SLCO5A1: variants seen among roughly 807,000 people sequenced by gnomAD.
The protein encoded by SLCO5A1 is solute carrier organic anion transporter family member 5A1, also known as organic anion transporter polypeptide-related protein 4.
A neutral mutation model predicts 65.1 loss-of-function variants in SLCO5A1; 39 were observed. That is an observed-to-expected ratio of 0.60 (90% CI 0.46 to 0.78). The LOEUF (loss-of-function observed/expected upper bound fraction) is 0.78. SLCO5A1 is among the 30% of genes least tolerant of loss of function. SLCO5A1 has a pLI of 0.00. For missense variants in SLCO5A1, 1,029 were observed against 1,069.4 expected, an observed-to-expected ratio of 0.96 and a Z score of 0.53; for synonymous variants, 438 against 415.7, an observed-to-expected ratio of 1.05 and a Z score of -0.65.
chr8:69,742,794 C>CTTTTTTTTTTTTTTTTT (rs10633803), intron 4 of SLCO5A1, among the ~76,000 whole-genome samples: 2 of 83,190 alleles, frequency 2.4e-5, no homozygotes, highest in African/African-American at 4.9e-5. Context: ...TGAGTGGATT[C>CTTTTTTTTTTTTTTTTT]TTTTTTTTTT....
intron 5 of SLCO5A1, among the ~76,000 whole-genome samples, chr8:69,724,578 T>C (rs749249599): frequency 1.1e-4 from 16 of 152,178 alleles, no homozygotes; most frequent in Non-Finnish European, 1.9e-4. Context: ...AAGCTGAGCC[T>C]GGCAGCAAAG....
chr8:69,705,679 A>G (rs959179866), intron 5 of SLCO5A1, among the ~76,000 whole-genome samples: 1 of 152,248 alleles, frequency 6.6e-6, no homozygotes, highest in Non-Finnish European at 1.5e-5. Flanking sequence ...ACAACATTCC[A>G]CATGTACCTC....
chr8:69,761,959 G>A, intron 2 of SLCO5A1, 84 bp from the exon 3 acceptor site: 1 of 1,512,110 alleles, frequency 6.6e-7, no homozygotes. Flanking sequence ...TCATACCACA[G>A]ACATCTCACA....
At chr8:69,782,951 C>T (rs1466432987) in intron 2 of SLCO5A1, among the ~76,000 whole-genome samples, 1 of 149,166 alleles carries the variant, frequency 6.7e-6, no homozygotes, top group Non-Finnish European at 1.5e-5. Context: ...CAGGGACTGG[C>T]TCTGTGATCC....
chr8:69,683,570 T>A (rs968533292), intron 6 of SLCO5A1, among the ~76,000 whole-genome samples: 4 of 53,632 alleles, frequency 7.5e-5, no homozygotes, highest in Non-Finnish European at 3.6e-5. Flanking sequence ...GACTTATCTT[T>A]TTTTTTTTTT....
Position 69,669,177 on chromosome 8 carries a change from T to C in SLCO5A1, c.*3692A>G, listed in dbSNP as rs1418460612. 8.5e-5 allele frequency: 13 copies of C among 152,188 alleles called. No individual in the cohort carries two copies. The highest frequency in any genetic ancestry group is 8.5e-4 in the Admixed American group (13 of 15,280). 9.4% of individuals were successfully genotyped at this position (152,188 alleles called of 1,614,324 possible). A position where few individuals can be genotyped will look rare whatever the true frequency, so the allele number is the denominator to read the frequency against. On this transcript the variant is annotated 3_prime_UTR_variant, in exon 10 of 10. Transcript: ENST00000260126. ...GGTATGTTATGACAAATAACTTTAA[T>C]ATAACACTTAGCTAAATAAATGTAA...
chr8:69,759,821 T>C (rs1444066627), intron 3 of SLCO5A1, among the ~76,000 whole-genome samples: 4 of 152,144 alleles, frequency 2.6e-5, no homozygotes, highest in African/African-American at 9.7e-5. Context: ...AATTTTTTTG[T>C]ATTTTTAGTA....
At chr8:69,680,816 C>T (rs753378777) in intron 7 of SLCO5A1, among the ~76,000 whole-genome samples, 3 of 152,174 alleles carry the variant, frequency 2.0e-5, no homozygotes, top group Non-Finnish European at 4.4e-5. Context: ...GAGCAACCAG[C>T]TCCATGGATG....
chr8:69,821,451 G>A (rs1016091056), intron 2 of SLCO5A1, among the ~76,000 whole-genome samples: 1 of 150,984 alleles, frequency 6.6e-6, no homozygotes. Context: ...AGGAGGAGGA[G>A]AAGGAGAGGG....
intron 6 of SLCO5A1, among the ~76,000 whole-genome samples, chr8:69,695,298 C>A (rs1052817847): frequency 1.2e-4 from 18 of 152,108 alleles, no homozygotes; most frequent in African/African-American, 3.9e-4. Context: ...AGTTCAAGAC[C>A]AGCCTGGCCA....
At chr8:69,757,953 G>T (rs1199908892) in intron 3 of SLCO5A1, among the ~76,000 whole-genome samples, 1 of 152,136 alleles carries the variant, frequency 6.6e-6, no homozygotes, top group Non-Finnish European at 1.5e-5. Flanking sequence ...GCAGACCTGG[G>T]TTTGTATCCT....
intron 5 of SLCO5A1, among the ~76,000 whole-genome samples, chr8:69,716,112 G>A (rs961531310): frequency 6.6e-6 from 1 of 152,104 alleles, no homozygotes; most frequent in African/African-American, 2.4e-5. Flanking sequence ...CACTTAGTAT[G>A]TTTTCAAGGT....
At chr8:69,814,213 C>A (rs1459371587) in intron 2 of SLCO5A1, among the ~76,000 whole-genome samples, 1 of 152,090 alleles carries the variant, frequency 6.6e-6, no homozygotes, top group Non-Finnish European at 1.5e-5. Flanking sequence ...AAATAAAAAG[C>A]TTCTGCACAG....
chr8:69,676,566 C>T, intron 9 of SLCO5A1, 43 bp downstream of exon 9: 1 of 1,570,158 alleles, frequency 6.4e-7, no homozygotes. Context: ...TTGCCATCTG[C>T]AAAGAGGAAC....
At chr8:69,687,844 A>G (rs1049745753) in intron 6 of SLCO5A1, among the ~76,000 whole-genome samples, 1 of 151,420 alleles carries the variant, frequency 6.6e-6, no homozygotes, top group African/African-American at 2.4e-5. Flanking sequence ...ATATTTTAAC[A>G]TATATATAAT....
rs1159742741 is a variant in SLCO5A1, at chr8:69,673,309, T to C, written c.2107A>G (p.Ile703Val). The C allele has an allele frequency of 3.1e-6, 5 of 1,613,802 alleles. No homozygotes were observed. Among genetic ancestry groups the C allele is most frequent in the Admixed American group, 1.7e-5 (1 of 59,988 alleles). ...GTGTCAATGACTGCTCCAAAGTAGA[T>C]TGGAGTAGGAATGTATGCTAGAGGG... ...LRTLAYIPTP[I>V]YFGAVIDTTC... Residue 703 changes from isoleucine to valine, a missense_variant, in exon 10 of 10, where the codon ATC becomes GTC. This residue lies in a region of SLCO5A1 where 258 missense variants were observed against 237.4 expected (regional missense o/e 1.09). Coordinates refer to ENST00000260126, the MANE Select transcript of SLCO5A1 (RefSeq NM_030958.3).
rs186737846 is a variant in SLCO5A1 at position 69,781,900 on chromosome 8, G to C, written c.908-20025C>G. Among the ~76,000 whole-genome samples, 344 of 152,156 alleles carry C rather than the reference G, an allele frequency of 2.3e-3. 5 individuals are homozygous for C. Among genetic ancestry groups the C allele is most frequent in the South Asian group, 0.014 (69 of 4,818 alleles). On this transcript the variant is annotated intron_variant, in intron 2 of 9. Coordinates refer to ENST00000260126, the MANE Select transcript of SLCO5A1 (RefSeq NM_030958.3). The stretch of plus-strand genomic sequence containing the variant: ...TTGGACTCCCGACCTCAGGCGATCT[G>C]CCTGCCTCAGCCTTGCATAGTGCTG...
intron 2 of SLCO5A1, among the ~76,000 whole-genome samples, chr8:69,784,922 G>A (rs563498434): frequency 1.6e-5 from 2 of 122,664 alleles, no homozygotes; most frequent in African/African-American, 3.3e-5. Flanking sequence ...AAGAAAGAAA[G>A]AAAGAAAGAA....
intron 2 of SLCO5A1, among the ~76,000 whole-genome samples, chr8:69,827,673 G>T (rs977862343): frequency 1.1e-4 from 16 of 151,860 alleles, no homozygotes; most frequent in African/African-American, 3.9e-4. Flanking sequence ...GGAAGGGGTG[G>T]GTGGCAAAAA....
Sources: allele counts gnomAD v4.1 joint callset (sites outside exome capture counted in the v4.1 genomes callset), GRCh38; gene constraint gnomAD v4.1.1; regional missense constraint gnomAD v4.1.1; transcripts MANE v1.5; gene names NCBI Gene and HGNC (gene_info 2026-07-23, HGNC 2026-07-21).